IGHMBP2: variants seen among roughly 807,000 people sequenced by gnomAD.
IGHMBP2 encodes DNA-binding protein SMUBP-2.
A neutral mutation model predicts 96.0 loss-of-function variants in IGHMBP2; 81 were observed. The ratio of observed to expected loss-of-function variants is 0.84; its 90% confidence interval spans 0.71 to 1.01. The LOEUF is 1.01. Among genes scored for constraint, IGHMBP2 ranks in the 50% least tolerant of loss-of-function variants. IGHMBP2 has a pLI of 0.00. For synonymous variants in IGHMBP2, 557 were observed against 548.9 expected (o/e 1.01, Z -0.21); for missense variants, 1,227 against 1,306.3 (o/e 0.94, Z 0.94).
intron 8 of IGHMBP2, chr11:68,930,592 C>G: frequency 1.1e-6 from 1 of 878,400 alleles, no homozygotes; most frequent in South Asian, 5.2e-5. Context: ...GGAAATGTTA[C>G]GGGATCTCTG....
rs199839840 is a variant in IGHMBP2 at position 68,936,842 on chromosome 11, C to T, written c.2362C>T (p.Arg788Ter). 40 of 1,613,322 alleles carry T rather than the reference C, an allele frequency of 2.5e-5. No individual in the cohort carries two copies. The highest frequency in any genetic ancestry group is 5.0e-5 in the Admixed American group (3 of 59,994). Residue 788 changes from arginine (R) to a stop codon, truncating the protein, a stop_gained, in exon 13 of 15, where the codon CGA becomes TGA. Transcript: ENST00000255078. LOFTEE classifies it high-confidence loss of function. ...RFITVSKRAP[R>*]PRAALGPPAG... is the part of the protein sequence containing the mutation. ...CATCACTGTGAGCAAGAGGGCCCCG[C>T]GACCCCGAGCAGCCCTGGGACCCCC...
chr11:68,929,283 C>T lies in IGHMBP2; in HGVS notation c.1161C>T (p.Ile387=). The change falls in exon 8 of 15, where the codon ATC becomes ATT. Residue 387 remains isoleucine, a synonymous_variant. Transcript: ENST00000255078. ...AGGCCCTCGAGGCGAGCTGCTGGAT[C>T]CCCCTGCTGAAGGCCAGAAAGTGCA... The part of the protein sequence containing the change: ...CAQALEASCW[I]PLLKARKCIL... 1.9e-6 allele frequency: 3 copies of T among 1,613,780 alleles called. No homozygotes were observed. Among genetic ancestry groups the T allele is most frequent in the East Asian group, 2.2e-5 (1 of 44,880 alleles).
intron 5 of IGHMBP2, among the ~76,000 whole-genome samples, chr11:68,911,936 G>T (rs1430309433): frequency 6.6e-6 from 1 of 152,228 alleles, no homozygotes; most frequent in East Asian, 1.9e-4. Flanking sequence ...GCACGCCCGT[G>T]CAGGGGCCTG....
intron 7 of IGHMBP2, among the ~76,000 whole-genome samples, chr11:68,918,272 T>C (rs1426900012): frequency 6.6e-6 from 1 of 152,118 alleles, no homozygotes; most frequent in Non-Finnish European, 1.5e-5. Context: ...TGTGCTCTTT[T>C]TTTTCCTGCT....
At chr11:68,914,045 A>G (rs894311414) in intron 5 of IGHMBP2, among the ~76,000 whole-genome samples, 4 of 152,142 alleles carry the variant, frequency 2.6e-5, no homozygotes, top group Non-Finnish European at 4.4e-5. Flanking sequence ...AGCAATGTGT[A>G]AAAAACAGGA....
In IGHMBP2 at chr11:68,936,828, G is replaced by A. The variant is rs2154008893; in HGVS notation, c.2348G>A (p.Ser783Asn). The change falls in exon 13 of 15, where the codon AGC (serine) becomes AAC (asparagine). Residue 783 changes from serine (S) to asparagine (N), a missense_variant. Coordinates refer to ENST00000255078, the MANE Select transcript of IGHMBP2 (RefSeq NM_002180.3). ...GGGAAGAGGAGGTTCATCACTGTGA[G>A]CAAGAGGGCCCCGCGACCCCGAGCA... Reference protein sequence around the residue: ...GEGKRRFITVSKRAPRPRAAL... With the variant: ...GEGKRRFITVNKRAPRPRAAL... 1 of 1,613,754 alleles carries A rather than the reference G, an allele frequency of 6.2e-7. No individual in the cohort carries two copies. The highest frequency in any genetic ancestry group is 8.5e-7 in the Non-Finnish European group (1 of 1,180,038).
intron 7 of IGHMBP2, among the ~76,000 whole-genome samples, chr11:68,922,930 AAG>A (rs1159560885): frequency 2.0e-5 from 3 of 152,200 alleles, no homozygotes; most frequent in Non-Finnish European, 4.4e-5. Flanking sequence ...ATCCAGAAAT[AAG>A]AGTCTTTTTA....
chr11:68,933,695 A>G (rs980933233), intron 9 of IGHMBP2, 100 bp from the exon 10 acceptor site: 99 of 1,065,532 alleles, frequency 9.3e-5, no homozygotes, highest in South Asian at 8.8e-4. Context: ...GTCCTCCCCT[A>G]CCTAAGCCTT....
chr11:68,939,403 G>A, intron 14 of IGHMBP2, 131 bp from the exon 15 acceptor site: 1 of 939,308 alleles, frequency 1.1e-6, no homozygotes, highest in South Asian at 1.4e-5. Flanking sequence ...CAGGGTGAAG[G>A]ACTGACATGG....
Position 68,911,447 on chromosome 11 carries a change from G to A in IGHMBP2, c.555G>A (p.Leu185=), listed in dbSNP as rs1176973229. Residue 185 remains leucine, a synonymous_variant, in exon 5 of 15, where the codon CTG becomes CTA. Coordinates refer to ENST00000255078, the MANE Select transcript of IGHMBP2 (RefSeq NM_002180.3). The part of the protein sequence containing the change: ...APSPASEIHP[L]TFFNTCLDTS... Reference sequence around the variant, plus strand: ...CTGCTGCTTCTTCCACAGACCCGCTGACATTCTTCAACACCTGCCTGGACA... The same window carrying A: ...CTGCTGCTTCTTCCACAGACCCGCTAACATTCTTCAACACCTGCCTGGACA... The A allele has an allele frequency of 1.9e-6, 3 of 1,613,770 alleles. No individual in the cohort carries two copies. In the African/African-American group the frequency reaches 4.0e-5, roughly 22 times the overall value.
chr11:68,909,884 G>A (rs1167067225), intron 4 of IGHMBP2, among the ~76,000 whole-genome samples: 6 of 151,546 alleles, frequency 4.0e-5, no homozygotes, highest in South Asian at 2.1e-4. Flanking sequence ...TACCTGCCTC[G>A]GCCTCCCAAA....
At chr11:68,929,999 A>G (rs1258746432) in intron 8 of IGHMBP2, 3 of 1,010,602 alleles carry the variant, frequency 3.0e-6, no homozygotes, top group East Asian at 1.1e-4. Context: ...CTCTCCCCAT[A>G]CTACCCAGCA....
In IGHMBP2 at chr11:68,923,595, C is replaced by T. The variant is rs114546309; in HGVS notation, c.1061-5588C>T. 7.3e-3 allele frequency among the ~76,000 whole-genome samples: 1,108 copies of T among 152,266 alleles called. 16 individuals carry two copies. Among genetic ancestry groups the T allele is most frequent in the African/African-American group, 0.025 (1,053 of 41,540 alleles). On this transcript the variant is annotated intron_variant, in intron 7 of 14. Coordinates refer to ENST00000255078, the MANE Select transcript of IGHMBP2 (RefSeq NM_002180.3). ...TCTTGCTTTTGAGATGTGTTAGGGT[C>T]TGGATCAGTGCTTAGTCCAGGGTTA...
In IGHMBP2 at chr11:68,939,792, A is replaced by G; in HGVS notation, c.*61A>G. 1 of 1,516,062 alleles carries G rather than the reference A, an allele frequency of 6.6e-7. No homozygotes were observed. The highest frequency in any genetic ancestry group is 9.0e-7 in the Non-Finnish European group (1 of 1,116,310). 93.9% of individuals were successfully genotyped at this position (1,516,062 alleles called of 1,614,324 possible). On this transcript the variant is annotated 3_prime_UTR_variant, in exon 15 of 15. Transcript: ENST00000255078. ...CCATGGTAGCCCAGGGCGCTGGCAGACCATGCTCCGCCTCCACCAGGGCCA... is the reference window on the plus strand; with the variant it reads ...CCATGGTAGCCCAGGGCGCTGGCAGGCCATGCTCCGCCTCCACCAGGGCCA...
In IGHMBP2 at chr11:68,913,043, CAAAAA is replaced by C. The variant is rs71043469; in HGVS notation, c.711+1461_711+1465del. ...GGCAATAAGAGCAAAACTCCATCTCCAAAAAAAAAAAAAAAAAAAAAAAAACCAAA... is the reference window on the plus strand; with the variant it reads ...GGCAATAAGAGCAAAACTCCATCTCCAAAAAAAAAAAAAAAAAAAACCAAA... On this transcript the variant is annotated intron_variant, in intron 5 of 14. Coordinates refer to ENST00000255078, the MANE Select transcript of IGHMBP2 (RefSeq NM_002180.3). Among the ~76,000 whole-genome samples, 36 of 37,482 alleles carry C rather than the reference CAAAAA, an allele frequency of 9.6e-4. No homozygotes were observed. In the East Asian group the frequency reaches 0.015, roughly 16 times the overall value. The allele number at this position is 37,482 out of a possible 152,430, so 24.6% of individuals were successfully genotyped here. A position where few individuals can be genotyped will look rare whatever the true frequency, so the allele number is the denominator to read the frequency against.
At chr11:68,912,101 T>A (rs755964363) in intron 5 of IGHMBP2, among the ~76,000 whole-genome samples, 23 of 152,234 alleles carry the variant, frequency 1.5e-4, no homozygotes, top group Non-Finnish European at 3.1e-4. Flanking sequence ...TTGTACATTA[T>A]TATTCACTTA....
intron 2 of IGHMBP2, among the ~76,000 whole-genome samples, chr11:68,907,461 G>C (rs533268912): frequency 2.6e-5 from 4 of 152,162 alleles, no homozygotes; most frequent in African/African-American, 4.8e-5. Flanking sequence ...TTAACCACAC[G>C]CCTGGGATGC....
At chr11:68,931,517 G>A (rs1250925101) in intron 8 of IGHMBP2, among the ~76,000 whole-genome samples, 5 of 152,164 alleles carry the variant, frequency 3.3e-5, no homozygotes, top group East Asian at 1.9e-4. Flanking sequence ...CAGTTTGGGC[G>A]GCTGTAGCCC....
At chr11:68,911,346 C>G (rs1373613912) in intron 4 of IGHMBP2, 94 bp from the exon 5 acceptor site, 2 of 1,279,652 alleles carry the variant, frequency 1.6e-6, no homozygotes, top group Non-Finnish European at 2.2e-6. Context: ...TCCTGACAGG[C>G]ATCACTCATC....
Sources: allele counts gnomAD v4.1 joint callset (sites outside exome capture counted in the v4.1 genomes callset), GRCh38; gene constraint gnomAD v4.1.1; transcripts MANE v1.5; gene names NCBI Gene and HGNC (gene_info 2026-07-23, HGNC 2026-07-21).